AMMECR1: variants seen among roughly 807,000 people sequenced by gnomAD.
The protein encoded by AMMECR1 is nuclear protein AMMECR1.
AMMECR1 carries 3 observed loss-of-function variants against 22.5 expected under a neutral mutation model. The ratio of observed to expected loss-of-function variants is 0.13; its 90% confidence interval spans 0.06 to 0.35. The LOEUF (loss-of-function observed/expected upper bound fraction) is 0.35. Among genes scored for constraint, AMMECR1 ranks in the 10% least tolerant of loss-of-function variants. The probability of loss-of-function intolerance (pLI) is 1.00; values close to 1 mark genes in which losing one functional copy is unlikely to be tolerated. For missense variants in AMMECR1, 235 were observed against 278.7 expected, an observed-to-expected ratio of 0.84 and a Z score of 1.12; for synonymous variants, 130 against 116.7, an observed-to-expected ratio of 1.11 and a Z score of -0.74.
At chrX:110,242,243 A>G (rs780799441) in intron 2 of AMMECR1, among the ~76,000 whole-genome samples, 1 of 112,070 alleles carries the variant, frequency 8.9e-6, no homozygotes, top group South Asian at 3.7e-4. Context: ...AATATAAAAA[A>G]AATGGCTGTA....
chrX:110,420,172 C>T (rs2068706726), intron 2 of AMMECR1, among the ~76,000 whole-genome samples: 1 of 111,956 alleles, frequency 8.9e-6, no homozygotes, highest in Admixed American at 9.5e-5. Context: ...TACTACAGCA[C>T]TGGCCACATT....
At chrX:110,400,998 ATTTCT>A (rs984076009) in intron 2 of AMMECR1, among the ~76,000 whole-genome samples, 11 of 112,097 alleles carry the variant, frequency 9.8e-5, no homozygotes, top group Admixed American at 9.4e-4. Flanking sequence ...TATTTAATGA[ATTTCT>A]TTTAAGTGCC....
intron 2 of AMMECR1, among the ~76,000 whole-genome samples, chrX:110,331,636 G>T (rs964837835): frequency 4.5e-5 from 5 of 111,231 alleles, no homozygotes; most frequent in Non-Finnish European, 7.6e-5. Context: ...TGGCACCTCC[G>T]TCAGAAGGAA....
At chrX:110,421,603 C>T (rs2068717743) in intron 2 of AMMECR1, among the ~76,000 whole-genome samples, 1 of 112,667 alleles carries the variant, frequency 8.9e-6, no homozygotes, top group African/African-American at 3.2e-5. Flanking sequence ...ATCTTATTTC[C>T]ACACAAGGCA....
chrX:110,323,231 T>C (rs1360110486), intron 2 of AMMECR1, among the ~76,000 whole-genome samples: 1 of 112,463 alleles, frequency 8.9e-6, no homozygotes, highest in Non-Finnish European at 1.9e-5. Flanking sequence ...TGTTCTTTCT[T>C]TCTTCTTTTT....
At chrX:110,336,301 C>T (rs189112482) in intron 2 of AMMECR1, among the ~76,000 whole-genome samples, 108 of 111,306 alleles carry the variant, frequency 9.7e-4, no homozygotes, top group African/African-American at 3.4e-3. Flanking sequence ...CGTGCTATTC[C>T]GTATGCTGTA....
rs752317138 is a variant in AMMECR1, at chrX:110,318,051, C to T, written c.21G>A (p.Gly7=). 1.5e-5 allele frequency: 18 copies of T among 1,199,347 alleles called. No homozygotes were observed. The highest frequency in any genetic ancestry group is 3.6e-5 in the South Asian group (2 of 55,104). The change falls in exon 1 of 6, where the codon GGG becomes GGA. Residue 7 remains glycine, a synonymous_variant. Coordinates refer to ENST00000262844, the MANE Select transcript of AMMECR1 (RefSeq NM_015365.3). The stretch of plus-strand genomic sequence containing the variant: ...AACTGGACAGTTTCTGCTTCTTCAC[C>T]CCGCAGCAACCCGCCGCCATCTTGG... MAAGCC[G]VKKQKLSSSP...
intron 1 of AMMECR1, among the ~76,000 whole-genome samples, chrX:110,434,188 T>C (rs765049020): frequency 2.0e-4 from 22 of 111,857 alleles, no homozygotes; most frequent in Non-Finnish European, 3.6e-4. Context: ...AGGACAATTG[T>C]AGCTGGGTGC....
chrX:110,404,836 G>A (rs1452865354), intron 2 of AMMECR1, among the ~76,000 whole-genome samples: 3 of 111,106 alleles, frequency 2.7e-5, no homozygotes, highest in Non-Finnish European at 5.7e-5. Context: ...GATTTTTCTT[G>A]GCATAAGTAA....
At chrX:110,304,945 A>G (rs772090643) in intron 1 of AMMECR1, among the ~76,000 whole-genome samples, 11 of 111,839 alleles carry the variant, frequency 9.8e-5, no homozygotes, top group Non-Finnish European at 3.8e-5. Context: ...CCTAAATCCT[A>G]TTTTGTCTGT....
intron 1 of AMMECR1, among the ~76,000 whole-genome samples, chrX:110,271,129 T>C (rs929431768): frequency 9.0e-6 from 1 of 111,684 alleles, no homozygotes; most frequent in African/African-American, 3.3e-5. Context: ...CACCACTGTA[T>C]CCTTATACCA....
intron 1 of AMMECR1, among the ~76,000 whole-genome samples, chrX:110,435,583 A>G (rs1183705772): frequency 8.9e-6 from 1 of 112,021 alleles, no homozygotes; most frequent in Non-Finnish European, 1.9e-5. Flanking sequence ...TGGATGTAAG[A>G]GAACCCTAAC....
At chrX:110,415,250 A>G (rs2148314067) in intron 2 of AMMECR1, among the ~76,000 whole-genome samples, 1 of 112,355 alleles carries the variant, frequency 8.9e-6, no homozygotes, top group East Asian at 2.8e-4. Flanking sequence ...AAAAGCTCTC[A>G]CTTGGAAAGT....
rs765832527 is a variant in AMMECR1 at position 110,194,334 on chromosome X, C to T, written c.*4186G>A. 9.0e-5 allele frequency: 10 copies of T among 111,566 alleles called. No individual in the cohort carries two copies. The highest frequency in any genetic ancestry group is 2.9e-4 in the African/African-American group (9 of 30,708). 9.2% of individuals were successfully genotyped at this position (111,566 alleles called of 1,213,427 possible). A position where few individuals can be genotyped will look rare whatever the true frequency, so the allele number is the denominator to read the frequency against. ...TTTGCTCATATTTAATATTGTAAAG[C>T]CATACATGTCATATAAAATGCCCAT... is the stretch of plus-strand genomic sequence containing the variant. On this transcript the variant is annotated 3_prime_UTR_variant, in exon 6 of 6. Transcript: ENST00000262844.
chrX:110,367,976 TATTA>T (rs1275505724), intron 2 of AMMECR1, among the ~76,000 whole-genome samples: 1 of 70,982 alleles, frequency 1.4e-5, no homozygotes, highest in African/African-American at 8.4e-5. Context: ...GCTGGCTAAT[TATTA>T]TTATTATTAT....
intron 2 of AMMECR1, among the ~76,000 whole-genome samples, chrX:110,362,015 G>A (rs1172465930): frequency 8.9e-6 from 1 of 112,018 alleles, no homozygotes; most frequent in Non-Finnish European, 1.9e-5. Flanking sequence ...TAAATTCCAG[G>A]AGGGCAAGGA....
intron 2 of AMMECR1, among the ~76,000 whole-genome samples, chrX:110,386,032 G>A (rs1424131458): frequency 1.8e-5 from 2 of 112,025 alleles, no homozygotes; most frequent in African/African-American, 6.5e-5. Context: ...TTTATCAGTT[G>A]ATTGACATTT....
At chrX:110,388,206 T>C (rs1010800315) in intron 2 of AMMECR1, among the ~76,000 whole-genome samples, 17 of 111,570 alleles carry the variant, frequency 1.5e-4, no homozygotes, top group African/African-American at 5.6e-4. Context: ...CATCCCAAAC[T>C]GCAAAGGGGC....
At chrX:110,375,850 A>G (rs1476343883) in intron 2 of AMMECR1, among the ~76,000 whole-genome samples, 1 of 112,058 alleles carries the variant, frequency 8.9e-6, no homozygotes, top group African/African-American at 3.2e-5. Flanking sequence ...AGGTAAATAA[A>G]ACATCAGAAT....
Sources: allele counts gnomAD v4.1 joint callset (sites outside exome capture counted in the v4.1 genomes callset), GRCh38; gene constraint gnomAD v4.1.1; transcripts MANE v1.5; gene names NCBI Gene and HGNC (gene_info 2026-07-23, HGNC 2026-07-21).